Variants in CNST observed in about 807,000 individuals in gnomAD.
CNST encodes consortin.
In CNST, 39 loss-of-function variants were observed where a neutral mutation model predicts 72.4. That is an observed-to-expected ratio of 0.54 (90% CI 0.42 to 0.70). The LOEUF (loss-of-function observed/expected upper bound fraction) is 0.70. Ranked by LOEUF, CNST falls within the 30% of genes least tolerant of loss-of-function variation. The pLI, the probability that CNST is intolerant of heterozygous loss-of-function variation, is 0.00. For missense variants in CNST, 871 were observed against 868.5 expected (o/e 1.00, Z -0.04); for synonymous variants, 332 against 320.1 (o/e 1.04, Z -0.40).
At chr1:246,643,637 C>G (rs78136488) in intron 8 of CNST, among the ~76,000 whole-genome samples, 1,809 of 152,246 alleles carry the variant, frequency 0.012, 21 homozygotes, top group Admixed American at 0.016. Flanking sequence ...TTGAACGCAG[C>G]CTGCTTCTGC....
intron 1 of CNST, among the ~76,000 whole-genome samples, chr1:246,587,700 T>C (rs1661283343): frequency 6.6e-6 from 1 of 152,246 alleles, no homozygotes; most frequent in African/African-American, 2.4e-5. Flanking sequence ...ATCTTCATAC[T>C]GCTTGGGTAT....
intron 2 of CNST, among the ~76,000 whole-genome samples, chr1:246,613,181 T>A (rs1663448752): frequency 6.6e-6 from 1 of 152,190 alleles, no homozygotes; most frequent in South Asian, 2.1e-4. Context: ...TCCCAGGACT[T>A]CATCCCAGGT....
chr1:246,582,081 G>A (rs1259125966), intron 1 of CNST, among the ~76,000 whole-genome samples: 4 of 152,082 alleles, frequency 2.6e-5, no homozygotes, highest in African/African-American at 7.2e-5. Flanking sequence ...TTATATGTAT[G>A]TACTCCTTAT....
At chr1:246,633,524 C>T (rs1361112067) in intron 4 of CNST, among the ~76,000 whole-genome samples, 1 of 151,582 alleles carries the variant, frequency 6.6e-6, no homozygotes, top group Non-Finnish European at 1.5e-5. Context: ...AGGCAGATCA[C>T]GAGGTGAGGA....
At chr1:246,609,214 G>C (rs1459633592) in intron 2 of CNST, among the ~76,000 whole-genome samples, 1 of 152,206 alleles carries the variant, frequency 6.6e-6, no homozygotes, top group African/African-American at 2.4e-5. Context: ...GTCTAGTGTT[G>C]AGGAAAAGGA....
At chr1:246,580,222 A>G (rs1660696086) in intron 1 of CNST, among the ~76,000 whole-genome samples, 1 of 152,058 alleles carries the variant, frequency 6.6e-6, no homozygotes, top group Admixed American at 6.5e-5. Flanking sequence ...TTTTAAATAA[A>G]TAATCTCTTG....
intron 2 of CNST, among the ~76,000 whole-genome samples, chr1:246,593,660 T>C (rs1366133419): frequency 2.0e-5 from 3 of 152,116 alleles, no homozygotes; most frequent in African/African-American, 4.8e-5. Context: ...TCTTAAAAGA[T>C]CTAATAAGCA....
At chr1:246,657,902 A>T (rs1244403532) in intron 9 of CNST, among the ~76,000 whole-genome samples, 1 of 152,170 alleles carries the variant, frequency 6.6e-6, no homozygotes, top group East Asian at 1.9e-4. Flanking sequence ...TGCAGAATTC[A>T]TATCAGAAAG....
At position 246,635,766 on chromosome 1, in the gene CNST, C is replaced by T. The variant is rs1468197621; in HGVS notation, c.818+1179C>T. On this transcript the variant is annotated intron_variant, in intron 6 of 10. Coordinates refer to ENST00000366513, the MANE Select transcript of CNST (RefSeq NM_152609.3). ...CATATATGTGGGAGTGCGATAACCC[C>T]GTGAACCATCCTCAGCCCAGGTGGC... Among the ~76,000 whole-genome samples, 13 of 152,274 alleles carry T rather than the reference C, an allele frequency of 8.5e-5. 1 individual carries two copies. The highest frequency in any genetic ancestry group is 3.9e-4 in the Admixed American group (6 of 15,304).
In CNST at chr1:246,634,020, G is replaced by A. The variant is rs776212256; in HGVS notation, c.703+10G>A. ...ATTCAAGAACAGTGGGGTAAGTACA[G>A]ACCAACATGGAATGTGGAATTAGCA... On this transcript the variant is annotated intron_variant, in intron 5 of 10. Coordinates refer to ENST00000366513, the MANE Select transcript of CNST (RefSeq NM_152609.3). 1.3e-6 allele frequency: 2 copies of A among 1,549,254 alleles called. No homozygotes were observed. The highest frequency in any genetic ancestry group is 1.8e-6 in the Non-Finnish European group (2 of 1,122,374).
chr1:246,636,957 C>T (rs1032644079), intron 6 of CNST, among the ~76,000 whole-genome samples: 2 of 152,018 alleles, frequency 1.3e-5, no homozygotes, highest in African/African-American at 2.4e-5. Context: ...GGCTACTGAC[C>T]GTATAAGGAT....
intron 3 of CNST, among the ~76,000 whole-genome samples, chr1:246,623,707 G>T (rs1361964754): frequency 1.3e-5 from 2 of 151,346 alleles, no homozygotes; most frequent in Non-Finnish European, 1.5e-5. Flanking sequence ...GGTTGCAGTG[G>T]GCGGAGATCG....
At chr1:246,576,251 AAAG>A (rs1415091847) in intron 1 of CNST, among the ~76,000 whole-genome samples, 2 of 123,118 alleles carry the variant, frequency 1.6e-5, no homozygotes, top group Admixed American at 9.3e-5. Context: ...AAAAAAAAAA[AAAG>A]AAACAAAGAT....
At chr1:246,605,960 C>T (rs1323979294) in intron 2 of CNST, 7 of 151,908 alleles carry the variant, frequency 4.6e-5, no homozygotes, top group Non-Finnish European at 1.5e-5. Context: ...GTTATTCATC[C>T]CCCCAAGCTT....
At chr1:246,648,542 A>G (rs1230351925) in intron 9 of CNST, among the ~76,000 whole-genome samples, 1 of 152,200 alleles carries the variant, frequency 6.6e-6, no homozygotes, top group Non-Finnish European at 1.5e-5. Flanking sequence ...TATTAAGTTG[A>G]AAAAAGAGAT....
intron 9 of CNST, among the ~76,000 whole-genome samples, chr1:246,649,161 G>GTT (rs58577110): frequency 7.4e-5 from 10 of 134,366 alleles, no homozygotes; most frequent in African/African-American, 2.7e-4. Flanking sequence ...CTGTTGTTTT[G>GTT]TTTTTTTTTT....
chr1:246,664,607 T>C lies in CNST; in HGVS notation c.1973-1093T>C, dbSNP rs983668074. Among the ~76,000 whole-genome samples the C allele has an allele frequency of 2.6e-5, 4 of 151,962 alleles. No homozygotes were observed. The South Asian group carries it at 6.2e-4, about 24-fold the overall frequency. ...ACGCCCAGCTGATTTTTTATATTTT[T>C]AGTAGAGACGGGGTTTCACCGTGTC... On this transcript the variant is annotated intron_variant, in intron 10 of 10. Transcript: ENST00000366513.
intron 9 of CNST, among the ~76,000 whole-genome samples, chr1:246,651,857 A>G (rs1471704384): frequency 2.0e-5 from 3 of 152,164 alleles, no homozygotes; most frequent in African/African-American, 7.2e-5. Flanking sequence ...AAATGATCAC[A>G]TGTGCATTGT....
intron 6 of CNST, among the ~76,000 whole-genome samples, chr1:246,638,148 AG>A (rs1397662550): frequency 6.6e-6 from 1 of 152,184 alleles, no homozygotes; most frequent in Non-Finnish European, 1.5e-5. Flanking sequence ...GAGGCTTTGG[AG>A]GATAGGCATT....
Sources: allele counts gnomAD v4.1 joint callset (sites outside exome capture counted in the v4.1 genomes callset), GRCh38; gene constraint gnomAD v4.1.1; transcripts MANE v1.5; gene names NCBI Gene and HGNC (gene_info 2026-07-23, HGNC 2026-07-21).